RASSF3: variants seen among roughly 807,000 people sequenced by gnomAD.
The protein encoded by RASSF3 is Ras association domain family member 3.
RASSF3 carries 19 observed loss-of-function variants against 19.9 expected under a neutral mutation model. The ratio of observed to expected loss-of-function variants is 0.96; its 90% CI spans 0.67 to 1.40. The LOEUF is 1.40. Among genes scored for constraint, RASSF3 ranks in the 40% most tolerant of loss-of-function variants. RASSF3 has a pLI of 0.00. For synonymous variants in RASSF3, 110 were observed against 104.2 expected (o/e 1.06, Z -0.34); for missense variants, 306 against 289.8 (o/e 1.06, Z -0.41).
At chr12:64,651,648 C>G (rs887497812) in intron 1 of RASSF3, among the ~76,000 whole-genome samples, 4 of 152,130 alleles carry the variant, frequency 2.6e-5, no homozygotes, top group Non-Finnish European at 5.9e-5. Flanking sequence ...GCATAAGCCA[C>G]CATGCCTGGC....
At position 64,648,802 on chromosome 12, in the gene RASSF3, A is replaced by AT. The variant is rs60003798; in HGVS notation, c.112-35965dup. Among the ~76,000 whole-genome samples, 117 of 104,996 alleles carry AT rather than the reference A, an allele frequency of 1.1e-3. 1 individual carries two copies. Among genetic ancestry groups the AT allele is most frequent in the East Asian group, 0.011 (41 of 3,764 alleles). 68.9% of individuals were successfully genotyped at this position (104,996 alleles called of 152,430 possible). On this transcript the variant is annotated intron_variant, in intron 1 of 4. Coordinates refer to ENST00000542104, the MANE Select transcript of RASSF3 (RefSeq NM_178169.4). ...GGCCAAGCTTCTTGTTTTTACATTGATTTTTTTTTTTTTTTTTTTTAGAGA... is the reference window on the plus strand; with the variant it reads ...GGCCAAGCTTCTTGTTTTTACATTGATTTTTTTTTTTTTTTTTTTTTAGAGA...
At chr12:64,673,216 AAGG>A (rs1185416996) in intron 1 of RASSF3, among the ~76,000 whole-genome samples, 1 of 152,164 alleles carries the variant, frequency 6.6e-6, no homozygotes, top group African/African-American at 2.4e-5. Flanking sequence ...CTGTTAGCTG[AAGG>A]AGATGTATGG....
chr12:64,559,638 T>C (rs1347221311), intron 2 of RASSF3, among the ~76,000 whole-genome samples: 1 of 152,150 alleles, frequency 6.6e-6, no homozygotes, highest in Admixed American at 6.5e-5. Flanking sequence ...CTCAAGCATT[T>C]CCACTTTTCT....
chr12:64,551,788 G>A (rs534790138), intron 2 of RASSF3, among the ~76,000 whole-genome samples: 4 of 152,150 alleles, frequency 2.6e-5, no homozygotes, highest in Admixed American at 1.3e-4. Context: ...GTTTGTAAGC[G>A]TGTTTGTGGT....
chr12:64,577,120 G>C (rs1204496910), intron 2 of RASSF3, among the ~76,000 whole-genome samples: 1 of 152,136 alleles, frequency 6.6e-6, no homozygotes, highest in Non-Finnish European at 1.5e-5. Context: ...TCTTTTCTTT[G>C]AGAAATCCTA....
chr12:64,659,228 G>C (rs1219826943), intron 1 of RASSF3, among the ~76,000 whole-genome samples: 1 of 152,152 alleles, frequency 6.6e-6, no homozygotes, highest in Non-Finnish European at 1.5e-5. Flanking sequence ...TTGGTGGGAG[G>C]AGGTGAGAGA....
intron 2 of RASSF3, among the ~76,000 whole-genome samples, chr12:64,578,252 T>C (rs1869629705): frequency 6.6e-6 from 1 of 152,066 alleles, no homozygotes; most frequent in Non-Finnish European, 1.5e-5. Context: ...ACCTAAAATT[T>C]ACTGAGGGTT....
At chr12:64,691,950 C>CTACT (rs1280927848) in intron 4 of RASSF3, among the ~76,000 whole-genome samples, 24 of 152,256 alleles carry the variant, frequency 1.6e-4, no homozygotes, top group African/African-American at 5.8e-4. Flanking sequence ...CATGTGTTTG[C>CTACT]TACTAACAAA....
intron 1 of RASSF3, among the ~76,000 whole-genome samples, chr12:64,653,354 A>G (rs1461757365): frequency 6.6e-6 from 1 of 152,182 alleles, no homozygotes; most frequent in Non-Finnish European, 1.5e-5. Flanking sequence ...TGCTGGGATT[A>G]CAGGCATGAC....
chr12:64,673,641 G>A (rs1184984044), intron 1 of RASSF3, among the ~76,000 whole-genome samples: 1 of 152,126 alleles, frequency 6.6e-6, no homozygotes, highest in African/African-American at 2.4e-5. Flanking sequence ...TTTTCTAATT[G>A]TCAAAGCTGA....
At position 64,512,207 on chromosome 12, in the gene RASSF3, T is replaced by C. The variant is rs184916994; in HGVS notation, c.169+4878T>C. 2.0e-5 allele frequency among the ~76,000 whole-genome samples: 3 copies of C among 152,312 alleles called. No homozygotes were observed. The East Asian group carries it at 5.8e-4, about 29-fold the overall frequency. On this transcript the variant is annotated intron_variant, in intron 1 of 5. Transcript: ENST00000637125. Reference sequence around the variant, plus strand: ...ATGGATGCTCTGGTGTCTTGTCTATTGGAGGGTAGGGTGTAACCTCCTAGT... The same window carrying C: ...ATGGATGCTCTGGTGTCTTGTCTATCGGAGGGTAGGGTGTAACCTCCTAGT...
At chr12:64,591,495 G>T (rs535749118) in intron 2 of RASSF3, among the ~76,000 whole-genome samples, 1 of 151,740 alleles carries the variant, frequency 6.6e-6, no homozygotes, top group East Asian at 1.9e-4. Flanking sequence ...AAGTCAACCT[G>T]AGAGAGAATG....
chr12:64,572,457 A>C (rs1232220041), intron 2 of RASSF3, among the ~76,000 whole-genome samples: 1 of 152,180 alleles, frequency 6.6e-6, no homozygotes, highest in East Asian at 1.9e-4. Context: ...CTGATCTTGG[A>C]CTTTCAGCCT....
At chr12:64,536,682 G>A (rs903381751) in intron 1 of RASSF3, among the ~76,000 whole-genome samples, 1 of 152,184 alleles carries the variant, frequency 6.6e-6, no homozygotes, top group Non-Finnish European at 1.5e-5. Context: ...ATTCTATTTT[G>A]AATTTAAATA....
At chr12:64,601,595 GTGGA>G (rs1294792803) in intron 2 of RASSF3, among the ~76,000 whole-genome samples, 3 of 152,136 alleles carry the variant, frequency 2.0e-5, no homozygotes, top group African/African-American at 7.2e-5. Context: ...GCTGAGGTGG[GTGGA>G]TTGCTAGAGC....
At chr12:64,567,106 G>A (rs914032782) in intron 2 of RASSF3, among the ~76,000 whole-genome samples, 4 of 152,212 alleles carry the variant, frequency 2.6e-5, no homozygotes, top group Non-Finnish European at 5.9e-5. Flanking sequence ...TTCAAAAGAG[G>A]CCTGGTTAGA....
chr12:64,610,523 G>A lies in RASSF3; in HGVS notation c.-110G>A, dbSNP rs1167994362. 2 of 386,278 alleles carry A rather than the reference G, an allele frequency of 5.2e-6. No homozygotes were observed. Among genetic ancestry groups the A allele is most frequent in the Non-Finnish European group, 8.6e-6 (2 of 232,666 alleles). The allele number at this position is 386,278 out of a possible 1,614,324, so 23.9% of individuals were successfully genotyped here. A position where few individuals can be genotyped will look rare whatever the true frequency, so the allele number is the denominator to read the frequency against. On this transcript the variant is annotated 5_prime_UTR_variant, in exon 1 of 5. Transcript: ENST00000542104. ...TGAGCGGCGGCCGCAGCTGCATAAG[G>A]ACTGCCCGGGGCTGCGCGCCGGGAA...
chr12:64,627,401 A>G (rs988952631), intron 1 of RASSF3, among the ~76,000 whole-genome samples: 1 of 152,228 alleles, frequency 6.6e-6, no homozygotes, highest in South Asian at 2.1e-4. Context: ...ATTTGGGGGA[A>G]GATGACATTT....
chr12:64,657,318 G>A (rs1872195680), intron 1 of RASSF3, among the ~76,000 whole-genome samples: 1 of 152,156 alleles, frequency 6.6e-6, no homozygotes, highest in Non-Finnish European at 1.5e-5. Context: ...CAGAGTTTCA[G>A]CTGGGGAAGG....
Sources: gnomAD v4.1 joint callset for allele counts (sites outside exome capture counted in the v4.1 genomes callset) on GRCh38, gnomAD v4.1.1 for gene constraint, MANE v1.5 for transcripts, NCBI Gene and HGNC (gene_info 2026-07-23, HGNC 2026-07-21) for gene names.